Variants in FHIT observed in about 807,000 individuals in gnomAD.
FHIT encodes fragile histidine triad diadenosine triphosphatase, also known as bis(5'-adenosyl)-triphosphatase.
Under a neutral mutation model 17.9 loss-of-function variants are expected in FHIT, and 19 were observed. The ratio of observed to expected loss-of-function variants is 1.06; its 90% CI spans 0.74 to 1.56. FHIT has a LOEUF of 1.56. Among genes scored for constraint, FHIT ranks in the 40% most tolerant of loss-of-function variants. The pLI is 0.00. For synonymous variants in FHIT, 81 were observed against 69.7 expected (o/e 1.16, Z -0.81); for missense variants, 248 against 189.2 (o/e 1.31, Z -1.82).
intron 2 of FHIT, among the ~76,000 whole-genome samples, chr3:61,194,787 A>T (rs1293970046): frequency 6.6e-6 from 1 of 152,210 alleles, no homozygotes; most frequent in East Asian, 1.9e-4. Context: ...ATATCCTCTA[A>T]TAATACTTAC....
At position 60,014,035 on chromosome 3, in the gene FHIT, T is replaced by A. The variant is rs988662971; in HGVS notation, c.221A>T (p.His74Leu). The A allele has an allele frequency of 1.9e-6, 3 of 1,614,030 alleles. No homozygotes were observed. The African/African-American group carries it at 4.0e-5, about 22-fold the overall frequency. The change falls in exon 6 of 10, where the codon CAT becomes CTT. Residue 74 changes from histidine (H) to leucine (L), a missense_variant. His to Leu is a moderately conservative substitution (Grantham distance 99). Transcript: ENST00000492590. ...CATGGAAAAGGTGAGAGAGGTCCCA[T>A]GGAAATGTTTTTCCACCACTGTCCC... is the stretch of plus-strand genomic sequence containing the variant. ...RVGTVVEKHFHGTSLTFSMQD... is the reference protein window; with the variant it reads ...RVGTVVEKHFLGTSLTFSMQD...
chr3:61,251,157 G>T (rs1024916873), intron 1 of FHIT, 144 bp downstream of exon 1: 5 of 152,370 alleles, frequency 3.3e-5, no homozygotes, highest in African/African-American at 1.2e-4. Context: ...CTCGTGGGGC[G>T]GAAGAGTACT....
chr3:60,794,678 G>T (rs1700913402), intron 4 of FHIT, among the ~76,000 whole-genome samples: 1 of 152,084 alleles, frequency 6.6e-6, no homozygotes, highest in Non-Finnish European at 1.5e-5. Context: ...TTTTGATGGG[G>T]CTAATATTTT....
intron 4 of FHIT, among the ~76,000 whole-genome samples, chr3:60,718,575 G>A (rs1476037256): frequency 2.6e-5 from 4 of 152,174 alleles, no homozygotes; most frequent in Non-Finnish European, 5.9e-5. Context: ...TTCTAGATGC[G>A]AAAATGCCAA....
intron 8 of FHIT, among the ~76,000 whole-genome samples, chr3:59,884,630 A>T (rs920692425): frequency 2.6e-5 from 4 of 152,182 alleles, no homozygotes; most frequent in Admixed American, 1.3e-4. Flanking sequence ...CCCCAAAAGC[A>T]AGGCTACCAG....
chr3:61,085,709 A>G (rs2035285067), intron 2 of FHIT, among the ~76,000 whole-genome samples: 1 of 152,116 alleles, frequency 6.6e-6, no homozygotes, highest in Non-Finnish European at 1.5e-5. Flanking sequence ...ATATAAAGTC[A>G]TAAAACCTTT....
intron 5 of FHIT, among the ~76,000 whole-genome samples, chr3:60,374,833 G>A (rs1029896034): frequency 6.6e-6 from 1 of 152,042 alleles, no homozygotes; most frequent in African/African-American, 2.4e-5. Flanking sequence ...AGTCTATTAA[G>A]TAGAAGAGAC....
At chr3:59,817,029 A>G (rs1700623088) in intron 8 of FHIT, among the ~76,000 whole-genome samples, 1 of 152,196 alleles carries the variant, frequency 6.6e-6, no homozygotes, top group Non-Finnish European at 1.5e-5. Context: ...CCCAGGGAGC[A>G]GGTAGAAGCA....
chr3:60,013,911 C>A (rs1700235583), intron 6 of FHIT, 96 bp downstream of exon 6: 2 of 1,265,280 alleles, frequency 1.6e-6, no homozygotes, highest in South Asian at 1.4e-5. Context: ...TACAAACAAT[C>A]ACATCTGCCC....
intron 7 of FHIT, among the ~76,000 whole-genome samples, chr3:59,930,729 T>TG (rs1316646102): frequency 6.6e-6 from 1 of 152,092 alleles, no homozygotes; most frequent in African/African-American, 2.4e-5. Flanking sequence ...TAGGAAACGT[T>TG]GGGGGGTGGT....
chr3:60,782,811 C>T (rs370055803), intron 4 of FHIT, among the ~76,000 whole-genome samples: 1 of 152,118 alleles, frequency 6.6e-6, no homozygotes, highest in Non-Finnish European at 1.5e-5. Context: ...CAAGACAGTA[C>T]ATTGTTTCTG....
intron 4 of FHIT, chr3:60,553,340 A>G: frequency 1.1e-6 from 1 of 924,940 alleles, no homozygotes; most frequent in Non-Finnish European, 1.3e-6. Context: ...CTATGACTCA[A>G]GTGAGGACTT....
At chr3:60,399,479 A>C (rs2107184326) in intron 5 of FHIT, among the ~76,000 whole-genome samples, 1 of 152,246 alleles carries the variant, frequency 6.6e-6, no homozygotes, top group South Asian at 2.1e-4. Context: ...ATCTGATCTC[A>C]AGTCTTCTGA....
intron 3 of FHIT, among the ~76,000 whole-genome samples, chr3:60,965,832 G>C (rs1223027615): frequency 2.0e-5 from 3 of 152,208 alleles, no homozygotes; most frequent in African/African-American, 7.2e-5. Flanking sequence ...GGCTGTGTGA[G>C]GTGTCAGTCG....
chr3:61,082,982 G>A (rs778042074), intron 2 of FHIT, among the ~76,000 whole-genome samples: 2 of 152,074 alleles, frequency 1.3e-5, no homozygotes, highest in Non-Finnish European at 2.9e-5. Flanking sequence ...TTTTCTTACT[G>A]ATGTGTAGAT....
chr3:61,140,861 G>C (rs773078017), intron 2 of FHIT, among the ~76,000 whole-genome samples: 5 of 152,172 alleles, frequency 3.3e-5, no homozygotes, highest in Non-Finnish European at 1.5e-5. Context: ...GCTTTAATTA[G>C]TATGCTCTAA....
At chr3:59,953,782 G>T (rs548597611) in intron 7 of FHIT, among the ~76,000 whole-genome samples, 4 of 152,194 alleles carry the variant, frequency 2.6e-5, no homozygotes, top group African/African-American at 9.7e-5. Context: ...TCTGGGTCAA[G>T]CACACATGCC....
intron 2 of FHIT, among the ~76,000 whole-genome samples, chr3:61,174,838 A>T (rs1021987734): frequency 6.6e-6 from 1 of 152,330 alleles, no homozygotes; most frequent in African/African-American, 2.4e-5. Context: ...CATACTTGCA[A>T]TGGGATACTT....
At chr3:60,138,633 T>A (rs773452058) in intron 5 of FHIT, among the ~76,000 whole-genome samples, 1 of 152,098 alleles carries the variant, frequency 6.6e-6, no homozygotes, top group Admixed American at 6.6e-5. Flanking sequence ...AAGTTTTGGA[T>A]AGAGACTGAG....
Sources: gnomAD v4.1 joint callset for allele counts (sites outside exome capture counted in the v4.1 genomes callset) on GRCh38, gnomAD v4.1.1 for gene constraint, MANE v1.5 for transcripts, NCBI Gene and HGNC (gene_info 2026-07-23, HGNC 2026-07-21) for gene names.